The following NEDD1 variants were observed in gnomAD, a reference collection of about 807,000 sequenced individuals.
NEDD1 encodes NEDD1 gamma-tubulin ring complex targeting factor.
In NEDD1, 33 loss-of-function variants were observed where a neutral mutation model predicts 74.0. The ratio of observed to expected loss-of-function variants is 0.45; its 90% CI spans 0.34 to 0.60. The LOEUF (loss-of-function observed/expected upper bound fraction) is 0.60, where lower values mean the gene tolerates loss of function less well. NEDD1 is among the 20% of genes least tolerant of loss of function. NEDD1 has a pLI of 0.01. For synonymous variants in NEDD1, 250 were observed against 264.4 expected (o/e 0.95, Z 0.53); for missense variants, 746 against 776.5 (o/e 0.96, Z 0.47).
At chr12:96,910,031 G>A (rs945248297) in intron 3 of NEDD1, 136 bp downstream of exon 3, 3 of 862,890 alleles carry the variant, frequency 3.5e-6, no homozygotes, top group African/African-American at 3.4e-5. Flanking sequence ...GATAGATAAC[G>A]TAAAATAGTA....
At chr12:96,918,413 TATAAAC>T (rs1874703569) in intron 5 of NEDD1, among the ~76,000 whole-genome samples, 1 of 136,850 alleles carries the variant, frequency 7.3e-6, no homozygotes. Context: ...ATATGAAAAA[TATAAAC>T]ATATTTATAT....
chr12:96,917,502 G>A, intron 4 of NEDD1, 119 bp from the exon 5 acceptor site: 1 of 1,167,746 alleles, frequency 8.6e-7, no homozygotes, highest in Admixed American at 3.7e-5. Context: ...AGATTAGCAT[G>A]TTTATAGTAT....
At chr12:96,948,572 T>G (rs1878414989) in intron 14 of NEDD1, among the ~76,000 whole-genome samples, 1 of 152,154 alleles carries the variant, frequency 6.6e-6, no homozygotes, top group Non-Finnish European at 1.5e-5. Flanking sequence ...CAGGTTTGTT[T>G]TCGTTATTAG....
At chr12:96,940,316 C>A in intron 9 of NEDD1, 93 bp from the exon 10 acceptor site, 1 of 660,958 alleles carries the variant, frequency 1.5e-6, no homozygotes, top group Non-Finnish European at 2.5e-6. Context: ...ATATTACCAA[C>A]AATATGAGTG....
chr12:96,918,520 T>G (rs774600757), intron 5 of NEDD1, among the ~76,000 whole-genome samples: 2 of 152,310 alleles, frequency 1.3e-5, no homozygotes, highest in South Asian at 4.1e-4. Context: ...ATTTGATGAT[T>G]TTTTCCATTT....
At chr12:96,946,226 T>G (rs766489024) in intron 14 of NEDD1, among the ~76,000 whole-genome samples, 21 of 152,154 alleles carry the variant, frequency 1.4e-4, no homozygotes, top group Non-Finnish European at 2.4e-4. Flanking sequence ...AAAAGATACT[T>G]TAAAGCACAA....
At chr12:96,937,997 G>A (rs988522797) in intron 9 of NEDD1, among the ~76,000 whole-genome samples, 4 of 151,966 alleles carry the variant, frequency 2.6e-5, no homozygotes, top group South Asian at 2.1e-4. Context: ...TACTGTCAAC[G>A]TGCAACAAAT....
intron 6 of NEDD1, chr12:96,924,745 A>T: frequency 2.4e-6 from 1 of 411,912 alleles, no homozygotes; most frequent in Admixed American, 2.9e-5. Flanking sequence ...ATAGACTATC[A>T]TGGCTGTCAT....
rs1877546770 is a variant in NEDD1, at chr12:96,940,393, A to G, written c.1118-16A>G. The G allele has an allele frequency of 2.0e-6, 3 of 1,506,176 alleles. No homozygotes were observed. The highest frequency in any genetic ancestry group is 2.7e-6 in the Non-Finnish European group (3 of 1,099,504). 93.3% of individuals were successfully genotyped at this position (1,506,176 alleles called of 1,614,324 possible). On this transcript the variant is annotated splice_polypyrimidine_tract_variant and intron_variant, in intron 9 of 15. Transcript: ENST00000266742. ...TAGATGTAATAACATTGATTTTTAT[A>G]TCTAATTCCTATAAGGTTTGCCTCG... is the stretch of plus-strand genomic sequence containing the variant.
intron 6 of NEDD1, among the ~76,000 whole-genome samples, chr12:96,932,528 TTATATA>T (rs1214443028): frequency 1.4e-4 from 15 of 105,674 alleles, no homozygotes; most frequent in African/African-American, 4.1e-4. Flanking sequence ...TATATATAAA[TTATATA>T]TATATAATTT....
At chr12:96,908,004 A>C in intron 2 of NEDD1, 148 bp downstream of exon 2, 1 of 437,022 alleles carries the variant, frequency 2.3e-6, no homozygotes, top group Non-Finnish European at 3.4e-6. Context: ...TACCCACTAC[A>C]CCCCGCAGCT....
chr12:96,936,846 A>AT (rs750603561), intron 8 of NEDD1, 34 bp downstream of exon 8: 7 of 1,334,710 alleles, frequency 5.2e-6, no homozygotes, highest in Non-Finnish European at 6.4e-6. Flanking sequence ...TTTTTATTTT[A>AT]TTAAATAAAT....
intron 6 of NEDD1, among the ~76,000 whole-genome samples, chr12:96,934,461 T>C (rs1330126948): frequency 6.6e-6 from 1 of 151,980 alleles, no homozygotes; most frequent in Admixed American, 6.6e-5. Context: ...ACCGTGGTTG[T>C]CATGATTGAA....
At chr12:96,929,961 C>G (rs902616203) in intron 6 of NEDD1, among the ~76,000 whole-genome samples, 2 of 152,094 alleles carry the variant, frequency 1.3e-5, no homozygotes, top group Admixed American at 1.3e-4. Context: ...GTTCTCAGAT[C>G]TGTCACAGAT....
Position 96,936,748 on chromosome 12 carries a change from C to A in NEDD1, c.857C>A (p.Thr286Asn), listed in dbSNP as rs765077598. The A allele has an allele frequency of 3.1e-6, 5 of 1,612,718 alleles. No individual in the cohort carries two copies. The South Asian group carries it at 5.5e-5, about 18-fold the overall frequency. The change falls in exon 8 of 16, where the codon ACC becomes AAC. Residue 286 changes from threonine to asparagine, a missense_variant. This residue lies in a region of NEDD1 where 706 missense variants were observed against 706.7 expected (regional missense o/e 1.00). Transcript: ENST00000266742. ...DLRMLKSPVK[T>N]ISAHKTSVQC... ...AGAATGTTGAAATCACCAGTTAAGA[C>A]CATCAGTGCTCACAAGACATCTGTG... is the stretch of plus-strand genomic sequence containing the variant.
intron 9 of NEDD1, 74 bp downstream of exon 9, chr12:96,937,467 AT>A: frequency 1.4e-6 from 1 of 735,040 alleles, no homozygotes. Flanking sequence ...CTTGCATATA[AT>A]TAGCACATTC....
intron 7 of NEDD1, among the ~76,000 whole-genome samples, chr12:96,935,950 A>G (rs1422000748): frequency 1.3e-5 from 2 of 152,192 alleles, no homozygotes; most frequent in African/African-American, 4.8e-5. Context: ...AGCCTTTATT[A>G]TGATGCTAGA....
chr12:96,930,543 G>A (rs1258687656), intron 6 of NEDD1, among the ~76,000 whole-genome samples: 1 of 151,992 alleles, frequency 6.6e-6, no homozygotes, highest in Non-Finnish European at 1.5e-5. Flanking sequence ...AGTGCCCAGG[G>A]TTTTTATTGG....
At chr12:96,914,151 G>A (rs1874204597) in intron 4 of NEDD1, among the ~76,000 whole-genome samples, 1 of 152,190 alleles carries the variant, frequency 6.6e-6, no homozygotes, top group Non-Finnish European at 1.5e-5. Flanking sequence ...GCAGACTGAA[G>A]TCTTCAAGAG....
Sources: gnomAD v4.1 joint callset for allele counts (sites outside exome capture counted in the v4.1 genomes callset) on GRCh38, gnomAD v4.1.1 for gene constraint, gnomAD v4.1.1 regional missense constraint, MANE v1.5 for transcripts, NCBI Gene and HGNC (gene_info 2026-07-23, HGNC 2026-07-21) for gene names.